The following TANC2 variants were observed in gnomAD, a reference collection of about 807,000 sequenced individuals.
TANC2 encodes the protein protein TANC2.
A neutral mutation model predicts 210.5 loss-of-function variants in TANC2; 26 were observed. That is an observed-to-expected ratio of 0.12 (90% CI 0.09 to 0.17). The LOEUF is 0.17. Among genes scored for constraint, TANC2 ranks in the 10% least tolerant of loss-of-function variants. The pLI is 1.00. For missense variants in TANC2, 2,129 were observed against 2,608.9 expected (o/e 0.82, Z 4.01); for synonymous variants, 931 against 967.1 (o/e 0.96, Z 0.69).
chr17:63,380,906 A>G lies in TANC2; in HGVS notation c.2691+1080A>G, dbSNP rs16946897. On this transcript the variant is annotated intron_variant, in intron 15 of 27. Coordinates refer to ENST00000689528, the Ensembl canonical transcript of TANC2. ...CTAACAAATCACTGTACCAAAAATG[A>G]CCTTACTTAGTAGGAGCAGAGTGGA... Among the ~76,000 whole-genome samples, 465 of 152,330 alleles carry G rather than the reference A, an allele frequency of 3.1e-3. 3 individuals are homozygous for G. Among genetic ancestry groups the G allele is most frequent in the African/African-American group, 0.011 (449 of 41,572 alleles).
At chr17:63,179,825 G>T (rs2040716637) in intron 5 of TANC2, among the ~76,000 whole-genome samples, 1 of 151,980 alleles carries the variant, frequency 6.6e-6, no homozygotes, top group Non-Finnish European at 1.5e-5. Flanking sequence ...TTGTCTCTGT[G>T]CTCTTCCTAG....
chr17:63,232,479 G>C (rs537765544), intron 7 of TANC2, among the ~76,000 whole-genome samples: 2 of 152,326 alleles, frequency 1.3e-5, no homozygotes, highest in African/African-American at 4.8e-5. Flanking sequence ...GTTGCTTTCT[G>C]TTATTTGTTT....
chr17:63,421,137 C>T lies in TANC2; in HGVS notation c.5407C>T (p.Arg1803Cys), dbSNP rs535828619. Residue 1803 changes from arginine to cysteine, a missense_variant, in exon 28 of 28, where the codon CGC (arginine) becomes TGC (cysteine). Physicochemically the swap from Arg to Cys is radical, Grantham distance 180. Coordinates refer to ENST00000689528, the Ensembl canonical transcript of TANC2. This position sits in a 1 kb window ranked among gnomAD's most constrained non-coding sequence, Gnocchi z 6.9. Reference sequence around the variant, plus strand: ...ATACAGCCAGACACCACAGATCGGACGCAGCCAGTCAGCATCCTATTACCC... The same window carrying T: ...ATACAGCCAGACACCACAGATCGGATGCAGCCAGTCAGCATCCTATTACCC... 1.9e-6 allele frequency: 3 copies of T among 1,613,918 alleles called. No homozygotes were observed. The highest frequency in any genetic ancestry group is 2.2e-5 in the East Asian group (1 of 44,868).
At chr17:63,312,632 T>G (rs1239017379) in intron 9 of TANC2, among the ~76,000 whole-genome samples, 2 of 152,176 alleles carry the variant, frequency 1.3e-5, no homozygotes, top group Non-Finnish European at 2.9e-5. Context: ...GCTTAGTACC[T>G]GAGGGACAGA....
At chr17:63,413,291 A>C (rs1375866961) in intron 24 of TANC2, 1 of 366,356 alleles carries the variant, frequency 2.7e-6, no homozygotes, top group Non-Finnish European at 4.9e-6. Flanking sequence ...TGCAGCACGC[A>C]GGCTTTGCTG....
chr17:63,317,547 T>C (rs547969789), intron 10 of TANC2, among the ~76,000 whole-genome samples: 1 of 152,310 alleles, frequency 6.6e-6, no homozygotes, highest in South Asian at 2.1e-4. Flanking sequence ...GTATTCTCAG[T>C]ATAGTAGTTG....
chr17:63,398,572 A>G (rs1014450349), intron 18 of TANC2, among the ~76,000 whole-genome samples: 1 of 152,182 alleles, frequency 6.6e-6, no homozygotes, highest in Non-Finnish European at 1.5e-5. Flanking sequence ...AGAATATGTA[A>G]TTTTTAAAAA....
intron 5 of TANC2, among the ~76,000 whole-genome samples, chr17:63,179,924 G>A (rs1350789659): frequency 6.6e-6 from 1 of 151,248 alleles, no homozygotes; most frequent in Non-Finnish European, 1.5e-5. Flanking sequence ...ATGCAAGAGG[G>A]TCAGGAATTC....
intron 1 of TANC2, among the ~76,000 whole-genome samples, chr17:62,987,418 G>A (rs1463474680): frequency 6.6e-6 from 1 of 152,150 alleles, no homozygotes; most frequent in African/African-American, 2.4e-5. Flanking sequence ...AGCGTGAATG[G>A]GGGTTAGGGA....
chr17:63,327,622 A>G (rs913428848), intron 11 of TANC2, among the ~76,000 whole-genome samples: 1 of 152,192 alleles, frequency 6.6e-6, no homozygotes, highest in Non-Finnish European at 1.5e-5. Flanking sequence ...ATATAAAGAC[A>G]TGTGTCCATG....
chr17:63,224,617 A>G (rs888377047), intron 7 of TANC2, among the ~76,000 whole-genome samples: 6 of 152,184 alleles, frequency 3.9e-5, no homozygotes, highest in Non-Finnish European at 5.9e-5. Flanking sequence ...CTGTATCCTC[A>G]CTGATATTAG....
chr17:63,135,628 A>C (rs1174694100), intron 4 of TANC2, among the ~76,000 whole-genome samples: 1 of 152,162 alleles, frequency 6.6e-6, no homozygotes, highest in African/African-American at 2.4e-5. Context: ...AATTTTATTT[A>C]CACCATTTTC....
chr17:63,141,379 TAAAAAAAAAAAAAAAAAAA>T (rs71155970), intron 4 of TANC2, among the ~76,000 whole-genome samples: 21 of 21,878 alleles, frequency 9.6e-4, no homozygotes, highest in East Asian at 7.9e-3. Context: ...CCGTTTCTAC[TAAAAAAAAAAAAAAAAAAA>T]AAAAAAAAAA....
Position 63,421,874 on chromosome 17 carries a change from C to T in TANC2, c.6144C>T (p.Tyr2048=), listed in dbSNP as rs1368828845. The change falls in exon 28 of 28, where the codon TAC becomes TAT. Residue 2048 remains tyrosine, a synonymous_variant. Transcript: ENST00000689528. This position sits in a 1 kb window ranked among gnomAD's most constrained non-coding sequence, Gnocchi z 6.9. ...CTCAGGCATACCAGGACAACCTGTA[C>T]AGGCAGCTGTCCCGAGACTCTCGGC... 1.2e-6 allele frequency: 2 copies of T among 1,614,032 alleles called. No individual in the cohort carries two copies. Among genetic ancestry groups the T allele is most frequent in the Non-Finnish European group, 1.7e-6 (2 of 1,179,882 alleles).
chr17:63,387,103 A>C (rs1360699624), intron 15 of TANC2, among the ~76,000 whole-genome samples: 1 of 151,550 alleles, frequency 6.6e-6, no homozygotes, highest in Non-Finnish European at 1.5e-5. Context: ...TCCCACCACC[A>C]CCTCCCAAAG....
intron 9 of TANC2, among the ~76,000 whole-genome samples, chr17:63,304,096 A>G (rs190814403): frequency 2.6e-5 from 4 of 152,116 alleles, no homozygotes; most frequent in Admixed American, 6.6e-5. Flanking sequence ...CTATTCGTCC[A>G]TCTCATCCTT....
chr17:63,199,779 C>A (rs2041467111), intron 6 of TANC2, among the ~76,000 whole-genome samples: 1 of 152,102 alleles, frequency 6.6e-6, no homozygotes, highest in Non-Finnish European at 1.5e-5. Context: ...AGTAATTATT[C>A]ATTCCTTCAC....
chr17:63,134,900 A>G (rs1187195522), intron 4 of TANC2, among the ~76,000 whole-genome samples: 1 of 152,102 alleles, frequency 6.6e-6, no homozygotes, highest in Non-Finnish European at 1.5e-5. Flanking sequence ...TTTTCTTCCA[A>G]TTTAGGGGGC....
At chr17:63,411,864 G>C (rs2048713574) in intron 22 of TANC2, 134 bp from the exon 23 acceptor site, 1 of 1,431,770 alleles carries the variant, frequency 7.0e-7, no homozygotes, top group Admixed American at 2.3e-5. Context: ...ATATAGCTAA[G>C]GCCTGAAATA....
Sources: allele counts gnomAD v4.1 joint callset (sites outside exome capture counted in the v4.1 genomes callset), GRCh38; gene constraint gnomAD v4.1.1; non-coding constraint Gnocchi (gnomAD v3.1); transcripts MANE v1.5; gene names NCBI Gene and HGNC (gene_info 2026-07-23, HGNC 2026-07-21).